Variants in RFX1 observed in about 807,000 individuals in gnomAD.
RFX1 encodes the protein MHC class II regulatory factor RFX1.
Under a neutral mutation model 119.6 loss-of-function variants are expected in RFX1, and 42 were observed. The observed-to-expected ratio is 0.35, with a 90% CI of 0.27 to 0.45. The LOEUF (loss-of-function observed/expected upper bound fraction) is 0.45, where lower values mean the gene tolerates loss of function less well. Ranked by LOEUF, RFX1 falls within the 20% of genes least tolerant of loss-of-function variation. The pLI is 1.00. For synonymous variants in RFX1, 628 were observed against 618.5 expected, an observed-to-expected ratio of 1.02 and a Z score of -0.23; for missense variants, 1,118 against 1,368.1, an observed-to-expected ratio of 0.82 and a Z score of 2.88.
In RFX1 at chr19:13,969,924, G is replaced by C. The variant is rs747264257; in HGVS notation, c.1496+70C>G. 2 of 1,475,070 alleles carry C rather than the reference G, an allele frequency of 1.4e-6. No homozygotes were observed. The highest frequency in any genetic ancestry group is 2.5e-4 in the Middle Eastern group (1 of 4,068). The allele number at this position is 1,475,070 out of a possible 1,614,324, so 91.4% of individuals were successfully genotyped here. On this transcript the variant is annotated intron_variant, in intron 10 of 20. Coordinates refer to ENST00000254325, the MANE Select transcript of RFX1 (RefSeq NM_002918.5). This position sits in a 1 kb window ranked among gnomAD's most constrained non-coding sequence, Gnocchi z 4.5. Reference sequence around the variant, plus strand: ...TGGACTGGACTGCCTGAGATGACTCGGAGTGGGGGTGGGCCTTGGCATGCC... The same window carrying C: ...TGGACTGGACTGCCTGAGATGACTCCGAGTGGGGGTGGGCCTTGGCATGCC...
At position 13,963,285 on chromosome 19, in the gene RFX1, G is replaced by C. The variant is rs751062175; in HGVS notation, c.2571-10C>G. The stretch of plus-strand genomic sequence containing the variant: ...CCGGATCACCATGGAGCTGGGGATG[G>C]AGACGGAGAGGAGACCGTCAGGCCC... On this transcript the variant is annotated splice_polypyrimidine_tract_variant and intron_variant, in intron 18 of 20. Coordinates refer to ENST00000254325, the MANE Select transcript of RFX1 (RefSeq NM_002918.5). 6 of 1,605,342 alleles carry C rather than the reference G, an allele frequency of 3.7e-6. No individual in the cohort carries two copies. Among genetic ancestry groups the C allele is most frequent in the Non-Finnish European group, 5.1e-6 (6 of 1,178,210 alleles).
Position 13,986,574 on chromosome 19 carries a change from G to A in RFX1, c.320-2979C>T, listed in dbSNP as rs374695937. Among the ~76,000 whole-genome samples the A allele has an allele frequency of 6.6e-6, 1 of 152,178 alleles. No homozygotes were observed. Among genetic ancestry groups the A allele is most frequent in the African/African-American group, 2.4e-5 (1 of 41,448 alleles). On this transcript the variant is annotated intron_variant, in intron 2 of 20. Transcript: ENST00000254325. This position sits in a 1 kb window ranked among gnomAD's most constrained non-coding sequence, Gnocchi z 4.2. ...GGAGAAGCCAGGAGGGGAAGTGGGG[G>A]GTGGCACTGAGTCTGCGAGCGAGCG...
chr19:14,003,853 T>C (rs987165366), intron 1 of RFX1, among the ~76,000 whole-genome samples: 1 of 152,126 alleles, frequency 6.6e-6, no homozygotes, highest in African/African-American at 2.4e-5. Flanking sequence ...TAAATGTAAC[T>C]GGTGACTGAG....
chr19:13,979,104 G>C (rs954355164), intron 7 of RFX1, among the ~76,000 whole-genome samples: 1 of 152,066 alleles, frequency 6.6e-6, no homozygotes, highest in African/African-American at 2.4e-5. Context: ...GAGACACTGG[G>C]GGGTCAACGG....
rs757663788 is a variant in RFX1 at position 13,963,013 on chromosome 19, G to C, written c.2751C>G (p.Asn917Lys). The change falls in exon 20 of 21, where the codon AAC becomes AAG. Residue 917 changes from asparagine (N) to lysine (K), a missense_variant. Around this residue, in one of 5 missense-constraint regions of RFX1, gnomAD observed 138 missense variants for 117.8 expected, o/e 1.17. Transcript: ENST00000254325. ...GEFANLATSL[N>K]PLDPDKDEEE... ...GCCTACCTTTGTCGGGGTCCAGGGGGTTCAGGGAGGTGGCCAGATTGGCGA... is the reference window on the plus strand; with the variant it reads ...GCCTACCTTTGTCGGGGTCCAGGGGCTTCAGGGAGGTGGCCAGATTGGCGA... The C allele has an allele frequency of 9.0e-6, 14 of 1,553,462 alleles. No homozygotes were observed. The highest frequency in any genetic ancestry group is 2.0e-5 in the Admixed American group (1 of 51,106).
Position 13,963,557 on chromosome 19 carries a change from G to A in RFX1, c.2551C>T (p.Leu851Phe), listed in dbSNP as rs1465154240. The A allele has an allele frequency of 6.2e-7, 1 of 1,604,632 alleles. No homozygotes were observed. The highest frequency in any genetic ancestry group is 8.5e-7 in the Non-Finnish European group (1 of 1,179,232). Residue 851 changes from leucine (L) to phenylalanine (F), a missense_variant, in exon 18 of 21, where the codon CTC becomes TTC. Around this residue, in one of 5 missense-constraint regions of RFX1, gnomAD observed 32 missense variants for 71.5 expected, o/e 0.45. Transcript: ENST00000254325. ...GCGCACCTGTAGAAGGACCACTTGA[G>A]GAGGAAGAGCTTGGCGGCCTTGGGG... ...GFPKAAKLFL[L>F]KWSFYSSMVI... is the part of the protein sequence containing the mutation.
chr19:14,004,948 T>C (rs1975322968), intron 1 of RFX1, among the ~76,000 whole-genome samples: 1 of 152,212 alleles, frequency 6.6e-6, no homozygotes, highest in Non-Finnish European at 1.5e-5. Context: ...TGACCGCTCC[T>C]GCCCACGTGG....
At chr19:13,973,207 G>A in intron 8 of RFX1, 80 bp from the exon 9 acceptor site, 1 of 892,038 alleles carries the variant, frequency 1.1e-6, no homozygotes, top group Non-Finnish European at 1.7e-6. Flanking sequence ...CAGGAAGGGG[G>A]GTCCTAGGAG....
Position 13,973,091 on chromosome 19 carries a change from C to T in RFX1, c.966G>A (p.Leu322=). 6.2e-7 allele frequency: 1 copy of T among 1,600,678 alleles called. No homozygotes were observed. The highest frequency in any genetic ancestry group is 8.5e-7 in the Non-Finnish European group (1 of 1,179,848). Residue 322 remains leucine, a synonymous_variant, in exon 9 of 21, where the codon CTG becomes CTA. Coordinates refer to ENST00000254325, the MANE Select transcript of RFX1 (RefSeq NM_002918.5). ...AGCTGGTGCTTGCCGTCTGCGTGTACAGCGGCGTCTCGGGATAGGAGTAGG... is the reference window on the plus strand; with the variant it reads ...AGCTGGTGCTTGCCGTCTGCGTGTATAGCGGCGTCTCGGGATAGGAGTAGG... ...SSTYSYPETP[L]YTQTASTSYY...
intron 1 of RFX1, among the ~76,000 whole-genome samples, chr19:13,994,921 T>TAC (rs1227323572): frequency 8.8e-6 from 1 of 114,216 alleles, no homozygotes; most frequent in Non-Finnish European, 1.8e-5. Flanking sequence ...TATATATATA[T>TAC]ATATATATAT....
At chr19:13,991,478 T>C (rs1974798038) in intron 2 of RFX1, among the ~76,000 whole-genome samples, 1 of 152,092 alleles carries the variant, frequency 6.6e-6, no homozygotes, top group African/African-American at 2.4e-5. Flanking sequence ...GTGGCGCTCA[T>C]GCGGACACCT....
At chr19:14,003,142 T>C (rs2014731) in intron 1 of RFX1, among the ~76,000 whole-genome samples, 81,808 of 152,032 alleles carry the variant, frequency 0.54, 23,859 homozygotes, top group African/African-American at 0.78. Flanking sequence ...TGTGCTACCA[T>C]GCCCGGCTAC....
intron 9 of RFX1, 152 bp from the exon 10 acceptor site, chr19:13,970,327 A>C: frequency 3.1e-6 from 2 of 635,788 alleles, no homozygotes; most frequent in Non-Finnish European, 5.4e-6. Context: ...CTCTCCAAGA[A>C]CTATGTCCCA....
intron 9 of RFX1, 39 bp downstream of exon 9, chr19:13,972,704 A>ACTG (rs762662983): frequency 6.6e-7 from 1 of 1,513,568 alleles, no homozygotes; most frequent in Non-Finnish European, 9.0e-7. Context: ...ACCACCCACC[A>ACTG]CTGCCTGCCT....
Position 13,985,467 on chromosome 19 carries a change from G to A in RFX1, c.320-1872C>T, listed in dbSNP as rs1156592930. ...GCTGGGATTACAGGCATGAGCCACT[G>A]CACCTGGCTGACAGTAAGAGCTTTT... On this transcript the variant is annotated intron_variant, in intron 2 of 20. Transcript: ENST00000254325. This position sits in a 1 kb window ranked among gnomAD's most constrained non-coding sequence, Gnocchi z 4.3. 6.6e-6 allele frequency among the ~76,000 whole-genome samples: 1 copy of A among 152,200 alleles called. No individual in the cohort carries two copies. The highest frequency in any genetic ancestry group is 2.4e-5 in the African/African-American group (1 of 41,434).
At chr19:13,982,726 C>T (rs1307006991) in intron 4 of RFX1, among the ~76,000 whole-genome samples, 2 of 152,168 alleles carry the variant, frequency 1.3e-5, no homozygotes, top group Non-Finnish European at 2.9e-5. Flanking sequence ...ATCACTTGAC[C>T]CTGGGAGGCG....
chr19:13,975,795 G>A (rs1012858798), intron 8 of RFX1, among the ~76,000 whole-genome samples: 2 of 152,256 alleles, frequency 1.3e-5, no homozygotes, highest in Admixed American at 6.5e-5. Flanking sequence ...GAGGCCCAGG[G>A]GCTGTGGCTT....
At chr19:14,004,518 G>C (rs1975311333) in intron 1 of RFX1, among the ~76,000 whole-genome samples, 1 of 151,674 alleles carries the variant, frequency 6.6e-6, no homozygotes, top group Non-Finnish European at 1.5e-5. Flanking sequence ...AAAAAAAAAA[G>C]TGCTGATGAT....
chr19:13,991,439 G>C (rs1381508235), intron 2 of RFX1, among the ~76,000 whole-genome samples: 1 of 152,108 alleles, frequency 6.6e-6, no homozygotes, highest in Admixed American at 6.5e-5. Flanking sequence ...GGGCAGGGCT[G>C]TGTCTACACA....
Sources: allele counts gnomAD v4.1 joint callset (sites outside exome capture counted in the v4.1 genomes callset), GRCh38; gene constraint gnomAD v4.1.1; regional missense constraint gnomAD v4.1.1; non-coding constraint Gnocchi (gnomAD v3.1); transcripts MANE v1.5; gene names NCBI Gene and HGNC (gene_info 2026-07-23, HGNC 2026-07-21).